SPAG6: variants seen among roughly 807,000 people sequenced by gnomAD.
The protein encoded by SPAG6 is sperm-associated antigen 6.
In SPAG6, 49 loss-of-function variants were observed where a neutral mutation model predicts 58.5. The observed-to-expected ratio is 0.84, with a 90% CI of 0.67 to 1.06. The LOEUF (loss-of-function observed/expected upper bound fraction) is 1.06. Ranked by LOEUF, SPAG6 falls within the 50% of genes least tolerant of loss-of-function variation. The pLI, the probability that SPAG6 is intolerant of heterozygous loss-of-function variation, is 0.00. For missense variants in SPAG6, 560 were observed against 611.3 expected (o/e 0.92, Z 0.89); for synonymous variants, 233 against 225.6 (o/e 1.03, Z -0.29).
At chr10:22,395,374 A>G (rs543648390) in intron 8 of SPAG6, among the ~76,000 whole-genome samples, 1 of 152,070 alleles carries the variant, frequency 6.6e-6, no homozygotes, top group Non-Finnish European at 1.5e-5. Context: ...CTTTTTCCAC[A>G]TCTTTGTCAA....
chr10:22,412,421 T>G, intron 10 of SPAG6: 1 of 1,377,268 alleles, frequency 7.3e-7, no homozygotes, highest in Non-Finnish European at 9.9e-7. Context: ...AAAATTTGTT[T>G]TCTATCCACA....
At chr10:22,352,035 C>T (rs1255415665) in intron 2 of SPAG6, among the ~76,000 whole-genome samples, 1 of 152,060 alleles carries the variant, frequency 6.6e-6, no homozygotes, top group Non-Finnish European at 1.5e-5. Flanking sequence ...TGGCGGGTGC[C>T]TGCAGTCCCA....
At chr10:22,407,840 T>C (rs938052757) in intron 9 of SPAG6, among the ~76,000 whole-genome samples, 1 of 151,880 alleles carries the variant, frequency 6.6e-6, no homozygotes, top group African/African-American at 2.4e-5. Context: ...CTCATTTCTT[T>C]TTATTCTTTT....
chr10:22,402,589 C>T (rs773615249), intron 9 of SPAG6, among the ~76,000 whole-genome samples: 2 of 152,188 alleles, frequency 1.3e-5, no homozygotes, highest in African/African-American at 4.8e-5. Context: ...GCCACTCACC[C>T]AGGCAGGATA....
At chr10:22,413,486 T>C (rs1228137953) in intron 10 of SPAG6, among the ~76,000 whole-genome samples, 1 of 151,998 alleles carries the variant, frequency 6.6e-6, no homozygotes, top group East Asian at 1.9e-4. Context: ...TGAGCCGAGA[T>C]TGTGCCACTG....
intron 2 of SPAG6, among the ~76,000 whole-genome samples, chr10:22,351,669 T>C (rs140659370): frequency 6.6e-6 from 1 of 152,186 alleles, no homozygotes; most frequent in African/African-American, 2.4e-5. Flanking sequence ...GGGATTTCTA[T>C]TGAGTGGTTG....
At chr10:22,402,242 A>G (rs1295605007) in intron 9 of SPAG6, among the ~76,000 whole-genome samples, 1 of 152,220 alleles carries the variant, frequency 6.6e-6, no homozygotes, top group Non-Finnish European at 1.5e-5. Context: ...GTTGTATTTA[A>G]GAAATAAAAC....
At chr10:22,397,596 T>C (rs567999375) in intron 8 of SPAG6, among the ~76,000 whole-genome samples, 158 of 152,274 alleles carry the variant, frequency 1.0e-3, no homozygotes, top group African/African-American at 3.6e-3. Flanking sequence ...GGATTAGAGG[T>C]GTGAGCCACT....
Position 22,345,831 on chromosome 10 carries a change from C to A in SPAG6, c.121+13C>A. The A allele has an allele frequency of 1.2e-6, 2 of 1,609,458 alleles. No homozygotes were observed. The highest frequency in any genetic ancestry group is 1.3e-5 in the African/African-American group (1 of 74,824). On this transcript the variant is annotated intron_variant, in intron 2 of 10. Coordinates refer to ENST00000376624, the MANE Select transcript of SPAG6 (RefSeq NM_012443.4). This position sits in a 1 kb window ranked among gnomAD's most constrained non-coding sequence, Gnocchi z 6.3. ...CTGCAGAACGCGGGTGAGCCCGGAG[C>A]CCGAACCCCCGTCGCCCCCCGCGCA...
intron 2 of SPAG6, among the ~76,000 whole-genome samples, chr10:22,347,664 A>G (rs1017955647): frequency 6.6e-6 from 1 of 152,088 alleles, no homozygotes; most frequent in Admixed American, 6.5e-5. Context: ...AGCTCCTCCC[A>G]TAAGAGTGCA....
intron 10 of SPAG6, among the ~76,000 whole-genome samples, chr10:22,413,363 C>T (rs1185413156): frequency 6.6e-6 from 1 of 151,930 alleles, no homozygotes; most frequent in Admixed American, 6.6e-5. Context: ...GAAACCCCGT[C>T]TCTACTAAAA....
At chr10:22,391,648 C>A in intron 7 of SPAG6, 81 bp from the exon 8 acceptor site, 1 of 1,290,920 alleles carries the variant, frequency 7.7e-7, no homozygotes, top group African/African-American at 1.5e-5. Flanking sequence ...GAAGTGATTT[C>A]TTCTCATGTT....
chr10:22,361,806 G>C (rs1837048267), intron 2 of SPAG6, among the ~76,000 whole-genome samples: 2 of 151,774 alleles, frequency 1.3e-5, no homozygotes, highest in Admixed American at 6.6e-5. Context: ...ATTTGTGATA[G>C]ATTAAATACT....
chr10:22,400,536 C>T (rs554744394), intron 8 of SPAG6, among the ~76,000 whole-genome samples: 2 of 151,440 alleles, frequency 1.3e-5, no homozygotes, highest in Admixed American at 6.6e-5. Flanking sequence ...ACATATGGTA[C>T]GTATTCTTCT....
chr10:22,407,319 T>C (rs1834583669), intron 9 of SPAG6, among the ~76,000 whole-genome samples: 1 of 152,022 alleles, frequency 6.6e-6, no homozygotes, highest in Non-Finnish European at 1.5e-5. Flanking sequence ...AGGAGCTCTT[T>C]TAGGGCAGGC....
intron 2 of SPAG6, among the ~76,000 whole-genome samples, chr10:22,347,122 T>C (rs531913666): frequency 7.2e-4 from 110 of 152,310 alleles, no homozygotes; most frequent in African/African-American, 2.5e-3. Flanking sequence ...AACACTTTCA[T>C]TGTCACAAGG....
At position 22,384,383 on chromosome 10, in the gene SPAG6, A is replaced by G. The variant is rs374542894; in HGVS notation, c.473-2371A>G. On this transcript the variant is annotated intron_variant, in intron 4 of 10. Transcript: ENST00000376624. ...CGGGTAGACACCAACAGTGGCTGGC[A>G]TAGAAACAATAGAGGAAACAATAAT... is the stretch of plus-strand genomic sequence containing the variant. Among the ~76,000 whole-genome samples the G allele has an allele frequency of 1.2e-4, 18 of 152,344 alleles. No homozygotes were observed. In the South Asian group the frequency reaches 2.5e-3, roughly 21 times the overall value.
At chr10:22,355,831 TA>T (rs1253508533) in intron 2 of SPAG6, among the ~76,000 whole-genome samples, 2 of 151,966 alleles carry the variant, frequency 1.3e-5, no homozygotes, top group Non-Finnish European at 2.9e-5. Context: ...ATTCTTATTC[TA>T]AAAAAAGGCA....
At chr10:22,354,899 C>T (rs1192559694) in intron 2 of SPAG6, among the ~76,000 whole-genome samples, 1 of 151,798 alleles carries the variant, frequency 6.6e-6, no homozygotes, top group Non-Finnish European at 1.5e-5. Context: ...ATCCCAGCTA[C>T]TCGGGAGGCT....
Sources: allele counts gnomAD v4.1 joint callset (sites outside exome capture counted in the v4.1 genomes callset), GRCh38; gene constraint gnomAD v4.1.1; non-coding constraint Gnocchi (gnomAD v3.1); transcripts MANE v1.5; gene names NCBI Gene and HGNC (gene_info 2026-07-23, HGNC 2026-07-21).